GLDN: variants seen among roughly 807,000 people sequenced by gnomAD.
GLDN encodes collomin.
Under a neutral mutation model 56.5 loss-of-function variants are expected in GLDN, and 47 were observed. The observed-to-expected ratio is 0.83, with a 90% confidence interval of 0.66 to 1.06. The LOEUF (loss-of-function observed/expected upper bound fraction) is 1.06, where lower values mean the gene tolerates loss of function less well. Among genes scored for constraint, GLDN ranks in the 50% least tolerant of loss-of-function variants. The pLI is 0.00. For missense variants in GLDN, 782 were observed against 714.3 expected (o/e 1.09, Z -1.08); for synonymous variants, 332 against 278.8 (o/e 1.19, Z -1.90).
At chr15:51,357,546 A>G (rs774150203) in intron 1 of GLDN, among the ~76,000 whole-genome samples, 1 of 152,156 alleles carries the variant, frequency 6.6e-6, no homozygotes, top group Non-Finnish European at 1.5e-5. Flanking sequence ...TTTCTGGGAG[A>G]GGGCTCTCTA....
In GLDN at chr15:51,375,787, A is replaced by T. The variant is rs142527310; in HGVS notation, c.364-1662A>T. ...TTCCTCAAGGCCAGGTGCTTATATTATTCAGAGGAGGAGATCAGAGTTCCA... is the reference window on the plus strand; with the variant it reads ...TTCCTCAAGGCCAGGTGCTTATATTTTTCAGAGGAGGAGATCAGAGTTCCA... On this transcript the variant is annotated intron_variant, in intron 1 of 9. Coordinates refer to ENST00000335449, the MANE Select transcript of GLDN (RefSeq NM_181789.4). Among the ~76,000 whole-genome samples, 694 of 152,246 alleles carry T rather than the reference A, an allele frequency of 4.6e-3. 5 individuals are homozygous for T. Among genetic ancestry groups the T allele is most frequent in the African/African-American group, 0.015 (625 of 41,528 alleles).
In GLDN at chr15:51,341,938, A is replaced by G. The variant is rs1018436405; in HGVS notation, c.254A>G (p.Asp85Gly). ...CGCGGGGCGTCCGCACCACCCCAAGACCCGGCCAGCTCAGCTCGCAACAAG... is the reference window on the plus strand; with the variant it reads ...CGCGGGGCGTCCGCACCACCCCAAGGCCCGGCCAGCTCAGCTCGCAACAAG... ...APRGASAPPQDPASSARNKRS... is the reference protein window; with the variant it reads ...APRGASAPPQGPASSARNKRS... Residue 85 changes from aspartate to glycine, a missense_variant, in exon 1 of 10, where the codon GAC becomes GGC. Asp to Gly is a moderately conservative substitution (Grantham distance 94). Transcript: ENST00000335449. 4.4e-6 allele frequency: 7 copies of G among 1,596,798 alleles called. No homozygotes were observed. The highest frequency in any genetic ancestry group is 5.1e-6 in the Non-Finnish European group (6 of 1,179,256).
intron 2 of GLDN, among the ~76,000 whole-genome samples, chr15:51,382,348 G>A (rs1595825028): frequency 6.6e-6 from 1 of 152,102 alleles, no homozygotes; most frequent in Admixed American, 6.5e-5. Flanking sequence ...ACAGGATACA[G>A]GCACCAAGAT....
chr15:51,375,719 C>T (rs761810834), intron 1 of GLDN, among the ~76,000 whole-genome samples: 70 of 152,320 alleles, frequency 4.6e-4, no homozygotes, highest in Non-Finnish European at 7.2e-4. Flanking sequence ...GAATCACTGC[C>T]ACCCAGGGGC....
At chr15:51,390,865 C>T (rs1419412787) in intron 4 of GLDN, among the ~76,000 whole-genome samples, 1 of 152,138 alleles carries the variant, frequency 6.6e-6, no homozygotes, top group Non-Finnish European at 1.5e-5. Flanking sequence ...CAACTCAAAG[C>T]CAGCCAGGGG....
At chr15:51,400,315 G>A (rs1784309421) in intron 7 of GLDN, 40 bp downstream of exon 7, 1 of 1,613,952 alleles carries the variant, frequency 6.2e-7, no homozygotes, top group Non-Finnish European at 8.5e-7. Flanking sequence ...TTCAGAAATT[G>A]AATACCTTCA....
Position 51,341,747 on chromosome 15 carries a change from G to T in GLDN, c.63G>T (p.Ala21=). The T allele has an allele frequency of 1.4e-6, 2 of 1,468,180 alleles. No homozygotes were observed. The highest frequency in any genetic ancestry group is 2.6e-5 in the Admixed American group (1 of 38,712). The allele number at this position is 1,468,180 out of a possible 1,614,324, so 90.9% of individuals were successfully genotyped here. The part of the protein sequence containing the change: ...DAGWGLRGAL[A]AVALLSALNA... ...GTTGGGGCCTGCGTGGCGCCCTGGCGGCCGTGGCGCTGCTCTCGGCGCTCA... is the reference window on the plus strand; with the variant it reads ...GTTGGGGCCTGCGTGGCGCCCTGGCTGCCGTGGCGCTGCTCTCGGCGCTCA... Residue 21 remains alanine, a synonymous_variant, in exon 1 of 10, where the codon GCG becomes GCT. Coordinates refer to ENST00000335449, the MANE Select transcript of GLDN (RefSeq NM_181789.4).
At chr15:51,375,774 A>C (rs1241474990) in intron 1 of GLDN, among the ~76,000 whole-genome samples, 1 of 152,216 alleles carries the variant, frequency 6.6e-6, no homozygotes, top group Non-Finnish European at 1.5e-5. Context: ...CCTCAAGGCC[A>C]GGTGCTTATA....
intron 9 of GLDN, among the ~76,000 whole-genome samples, chr15:51,403,199 C>T (rs995551805): frequency 1.3e-5 from 2 of 152,164 alleles, no homozygotes; most frequent in African/African-American, 4.8e-5. Flanking sequence ...GAGCTGAATT[C>T]GACCCTGTAA....
chr15:51,394,878 G>T lies in GLDN; in HGVS notation c.585G>T (p.Lys195Asn). ...GAAATCCAGGGGAAAGGGGAGAAAA[G>T]GGAGACCATGGTGAACTGGGCCTGC... ...AAGNPGERGEKGDHGELGLQG... is the reference protein window; with the variant it reads ...AAGNPGERGENGDHGELGLQG... Residue 195 changes from lysine (K) to asparagine (N), a missense_variant, in exon 5 of 10, where the codon AAG (lysine) becomes AAT (asparagine). By Grantham distance (94) the Lys-to-Asn change is moderately conservative (BLOSUM62 0). Transcript: ENST00000335449. The T allele has an allele frequency of 6.2e-7, 1 of 1,613,720 alleles. No individual in the cohort carries two copies. Among genetic ancestry groups the T allele is most frequent in the Non-Finnish European group, 8.5e-7 (1 of 1,179,786 alleles).
intron 9 of GLDN, 129 bp from the exon 10 acceptor site, chr15:51,404,148 C>A: frequency 2.8e-6 from 2 of 710,760 alleles, no homozygotes; most frequent in Non-Finnish European, 4.8e-6. Flanking sequence ...TACCTGGGAG[C>A]TTGTAAGGAA....
At chr15:51,396,471 G>A (rs2038131706) in intron 5 of GLDN, among the ~76,000 whole-genome samples, 1 of 152,212 alleles carries the variant, frequency 6.6e-6, no homozygotes, top group African/African-American at 2.4e-5. Flanking sequence ...TAGCACAGAG[G>A]AAAGAGCAGG....
In GLDN at chr15:51,342,107, G is replaced by T. The variant is rs11632569; in HGVS notation, c.363+60G>T. The T allele has an allele frequency of 0.13, 208,122 of 1,578,554 alleles. 15,364 individuals carry two copies. The highest frequency in any genetic ancestry group is 0.24 in the South Asian group (21,569 of 88,954). ...CCAGGTGGGCGGCTGGGGGTGTGGG[G>T]CGAGGACGCCGACGCCCTCTTCTCC... is the stretch of plus-strand genomic sequence containing the variant. On this transcript the variant is annotated intron_variant, in intron 1 of 9. Transcript: ENST00000335449.
chr15:51,402,631 G>A (rs1427671944), intron 9 of GLDN, among the ~76,000 whole-genome samples: 1 of 152,218 alleles, frequency 6.6e-6, no homozygotes, highest in Non-Finnish European at 1.5e-5. Context: ...AAGAGACAGT[G>A]ACTTTGAGGG....
At chr15:51,408,756 C>T (rs536263998), downstream of GLDN, among the ~76,000 whole-genome samples, 11 of 152,202 alleles carry the variant, frequency 7.2e-5, no homozygotes, top group South Asian at 1.2e-3. Context: ...TGTTCAATTC[C>T]CACCTATGAG....
intron 2 of GLDN, among the ~76,000 whole-genome samples, chr15:51,381,504 G>A (rs553601111): frequency 6.6e-6 from 1 of 152,190 alleles, no homozygotes; most frequent in Admixed American, 6.5e-5. Context: ...CCCAGAGTAG[G>A]ACTGTTATGT....
At chr15:51,355,677 A>C (rs55834762) in intron 1 of GLDN, among the ~76,000 whole-genome samples, 20,694 of 149,682 alleles carry the variant, frequency 0.14, 1,765 homozygotes, top group Middle Eastern at 0.22. Flanking sequence ...GCACGCACCA[A>C]CACACCCGGC....
intron 5 of GLDN, 62 bp downstream of exon 5, chr15:51,395,043 C>T (rs2038098062): frequency 5.5e-6 from 8 of 1,456,758 alleles, no homozygotes; most frequent in Non-Finnish European, 6.4e-6. Flanking sequence ...TGCCTGGCTT[C>T]CAACACCAGG....
chr15:51,366,147 G>T (rs2037397149), intron 1 of GLDN, among the ~76,000 whole-genome samples: 1 of 152,166 alleles, frequency 6.6e-6, no homozygotes, highest in African/African-American at 2.4e-5. Context: ...AGTTGTCACT[G>T]TGTGTGTGTC....
Sources: gnomAD v4.1 joint callset for allele counts (sites outside exome capture counted in the v4.1 genomes callset) on GRCh38, gnomAD v4.1.1 for gene constraint, MANE v1.5 for transcripts, NCBI Gene and HGNC (gene_info 2026-07-23, HGNC 2026-07-21) for gene names.